ANO4: variants seen among roughly 807,000 people sequenced by gnomAD.
ANO4 encodes anoctamin-4.
Under a neutral mutation model 141.9 loss-of-function variants are expected in ANO4, and 69 were observed. The observed-to-expected ratio is 0.49, with a 90% CI of 0.40 to 0.59. ANO4 has a LOEUF of 0.59. ANO4 is among the 20% of genes least tolerant of loss of function. The pLI is 0.00. For synonymous variants in ANO4, 350 were observed against 394.3 expected (o/e 0.89, Z 1.33); for missense variants, 894 against 1,162.2 (o/e 0.77, Z 3.36).
intron 1 of ANO4, among the ~76,000 whole-genome samples, chr12:100,801,655 A>G (rs1238653863): frequency 6.8e-6 from 1 of 146,800 alleles, no homozygotes. Flanking sequence ...GGGGGTAGAA[A>G]GGGCATTCTA....
At chr12:101,046,602 T>C (rs1021172850) in intron 13 of ANO4, among the ~76,000 whole-genome samples, 1 of 152,242 alleles carries the variant, frequency 6.6e-6, no homozygotes, top group Non-Finnish European at 1.5e-5. Flanking sequence ...TCCTGGAATC[T>C]ACTACCTTGC....
chr12:100,831,903 G>T (rs1223218110), intron 1 of ANO4, among the ~76,000 whole-genome samples: 1 of 152,018 alleles, frequency 6.6e-6, no homozygotes, highest in Non-Finnish European at 1.5e-5. Flanking sequence ...TTTTCCTGAA[G>T]CATGCCACTT....
At chr12:101,029,590 A>G (rs567558027) in intron 9 of ANO4, among the ~76,000 whole-genome samples, 1 of 152,290 alleles carries the variant, frequency 6.6e-6, no homozygotes, top group African/African-American at 2.4e-5. Flanking sequence ...GTCATTAAAT[A>G]ATGATAAAGA....
intron 3 of ANO4, among the ~76,000 whole-genome samples, chr12:100,779,381 A>G (rs2033641604): frequency 6.6e-6 from 1 of 152,252 alleles, no homozygotes; most frequent in South Asian, 2.1e-4. Context: ...TGCTATTGGC[A>G]TAACAATGAG....
chr12:101,074,785 CAT>C (rs2048959117), intron 14 of ANO4, among the ~76,000 whole-genome samples: 1 of 152,180 alleles, frequency 6.6e-6, no homozygotes, highest in Non-Finnish European at 1.5e-5. Flanking sequence ...TCTTCAAATT[CAT>C]ATCTTAATTT....
chr12:101,072,864 C>T (rs1169442373), intron 14 of ANO4, among the ~76,000 whole-genome samples: 1 of 152,146 alleles, frequency 6.6e-6, no homozygotes, highest in East Asian at 1.9e-4. Flanking sequence ...CAGAGGAATG[C>T]AAATCAAAAC....
chr12:100,830,922 C>A (rs551466706), intron 1 of ANO4, among the ~76,000 whole-genome samples: 46 of 152,038 alleles, frequency 3.0e-4, no homozygotes, highest in African/African-American at 1.1e-3. Context: ...ACCATAAGCT[C>A]TTATAAATAT....
At chr12:100,980,501 C>A (rs2044411376) in intron 7 of ANO4, among the ~76,000 whole-genome samples, 1 of 152,114 alleles carries the variant, frequency 6.6e-6, no homozygotes, top group African/African-American at 2.4e-5. Flanking sequence ...CAACACTGAC[C>A]TCCAATATCC....
intron 24 of ANO4, among the ~76,000 whole-genome samples, chr12:101,113,243 G>C (rs995716559): frequency 5.3e-5 from 8 of 152,160 alleles, no homozygotes; most frequent in Non-Finnish European, 1.2e-4. Context: ...CGTCGTAATG[G>C]TGTTTCAGTT....
At chr12:100,794,251 A>G (rs942912290), upstream of ANO4, among the ~76,000 whole-genome samples, 9 of 152,152 alleles carry the variant, frequency 5.9e-5, no homozygotes, top group African/African-American at 2.2e-4. Flanking sequence ...TACTGTACTC[A>G]TGATGACCCC....
At chr12:100,748,514 T>G (rs1162189709) in intron 3 of ANO4, among the ~76,000 whole-genome samples, 1 of 152,180 alleles carries the variant, frequency 6.6e-6, no homozygotes, top group African/African-American at 2.4e-5. Flanking sequence ...TCAGCTACCC[T>G]CTACAAAAAC....
chr12:100,759,367 A>G (rs2032756969), intron 3 of ANO4, among the ~76,000 whole-genome samples: 1 of 152,206 alleles, frequency 6.6e-6, no homozygotes. Flanking sequence ...GAGCTTTCTT[A>G]TCTTCGTGGC....
intron 1 of ANO4, among the ~76,000 whole-genome samples, chr12:100,899,566 G>C (rs1252313250): frequency 6.6e-6 from 1 of 152,184 alleles, no homozygotes; most frequent in Non-Finnish European, 1.5e-5. Context: ...TTGTTTTAAT[G>C]ATTTCCTGGC....
intron 1 of ANO4, among the ~76,000 whole-genome samples, chr12:100,795,436 C>T (rs1054434897): frequency 1.3e-5 from 2 of 152,182 alleles, no homozygotes; most frequent in African/African-American, 4.8e-5. Context: ...ACATAGCAAA[C>T]TCTTCCATCT....
intron 8 of ANO4, among the ~76,000 whole-genome samples, chr12:101,013,096 A>T (rs1031091590): frequency 6.6e-6 from 1 of 152,188 alleles, no homozygotes; most frequent in Non-Finnish European, 1.5e-5. Context: ...CATAACTACC[A>T]TTTGACCCAG....
chr12:101,031,880 G>T (rs1425716180), intron 9 of ANO4, among the ~76,000 whole-genome samples: 1 of 152,178 alleles, frequency 6.6e-6, no homozygotes, highest in Non-Finnish European at 1.5e-5. Context: ...AACAAGGGAT[G>T]TGAAAGACTT....
chr12:101,008,683 T>A (rs948245351), intron 8 of ANO4, among the ~76,000 whole-genome samples: 3 of 152,212 alleles, frequency 2.0e-5, no homozygotes, highest in Non-Finnish European at 4.4e-5. Flanking sequence ...CAAAATTTTC[T>A]ATGTACCTAT....
At chr12:101,102,188 T>C (rs1280846213) in intron 22 of ANO4, among the ~76,000 whole-genome samples, 1 of 152,224 alleles carries the variant, frequency 6.6e-6, no homozygotes, top group African/African-American at 2.4e-5. Context: ...TTACGGCATT[T>C]TTGTACATGT....
intron 6 of ANO4, among the ~76,000 whole-genome samples, chr12:100,971,858 A>C (rs2043949436): frequency 6.6e-6 from 1 of 152,022 alleles, no homozygotes; most frequent in Non-Finnish European, 1.5e-5. Flanking sequence ...TTCTTTTTAA[A>C]AAAAAAACAA....
Sources: gnomAD v4.1 joint callset for allele counts (sites outside exome capture counted in the v4.1 genomes callset) on GRCh38, gnomAD v4.1.1 for gene constraint, MANE v1.5 for transcripts, NCBI Gene and HGNC (gene_info 2026-07-23, HGNC 2026-07-21) for gene names.